The following SAMD12 variants were observed in gnomAD, a reference collection of about 807,000 sequenced individuals.
The protein encoded by SAMD12 is sterile alpha motif domain-containing protein 12.
A neutral mutation model predicts 15.0 loss-of-function variants in SAMD12; 9 were observed. The observed-to-expected ratio is 0.60, with a 90% CI of 0.36 to 1.05. SAMD12 has a LOEUF of 1.05. SAMD12 is among the 50% of genes least tolerant of loss of function. The pLI is 0.01. For missense variants in SAMD12, 230 were observed against 234.2 expected, an observed-to-expected ratio of 0.98 and a Z score of 0.12; for synonymous variants, 86 against 90.1, an observed-to-expected ratio of 0.96 and a Z score of 0.25.
intron 2 of SAMD12, among the ~76,000 whole-genome samples, chr8:118,495,487 A>T (rs1173727019): frequency 6.6e-6 from 1 of 152,188 alleles, no homozygotes; most frequent in East Asian, 1.9e-4. Flanking sequence ...TGACTAGTTG[A>T]AAACTGGCTA....
chr8:118,147,788 G>C, the SAMD12 span, among the ~76,000 whole-genome samples: 1 of 152,156 alleles, frequency 6.6e-6, no homozygotes, highest in African/African-American at 2.4e-5. Context: ...GTCTTGCTCT[G>C]TTGCCCAGGC....
At chr8:118,240,160 G>A (rs757656570) in intron 4 of SAMD12, among the ~76,000 whole-genome samples, 4 of 152,138 alleles carry the variant, frequency 2.6e-5, no homozygotes, top group African/African-American at 2.4e-5. Context: ...AGGAGCTAAC[G>A]CTTCTTGCCA....
chr8:118,383,728 A>T (rs1014647936), intron 3 of SAMD12, among the ~76,000 whole-genome samples: 1 of 152,174 alleles, frequency 6.6e-6, no homozygotes, highest in African/African-American at 2.4e-5. Flanking sequence ...TCACCAACTC[A>T]CAGACTCTTG....
chr8:118,277,861 T>C (rs1326520261), intron 4 of SAMD12, among the ~76,000 whole-genome samples: 2 of 152,096 alleles, frequency 1.3e-5, no homozygotes, highest in African/African-American at 2.4e-5. Flanking sequence ...TTTCACCAGA[T>C]AGAGAGCTCT....
At chr8:118,560,098 C>T (rs748831553) in intron 2 of SAMD12, among the ~76,000 whole-genome samples, 7 of 152,132 alleles carry the variant, frequency 4.6e-5, no homozygotes, top group African/African-American at 9.7e-5. Context: ...GGGCTGAGAA[C>T]GGGCCTTGCC....
At chr8:118,450,817 A>T (rs910342571) in intron 2 of SAMD12, among the ~76,000 whole-genome samples, 1 of 152,102 alleles carries the variant, frequency 6.6e-6, no homozygotes, top group Non-Finnish European at 1.5e-5. Flanking sequence ...GTGATGGGCC[A>T]GGTTTCTGAG....
intron 4 of SAMD12, among the ~76,000 whole-genome samples, chr8:118,320,656 G>A (rs71530900): frequency 0.13 from 17,446 of 134,808 alleles, 1,334 homozygotes; most frequent in African/African-American, 0.19. Flanking sequence ...ATCACACACC[G>A]GGGCCTGTCG....
chr8:118,364,622 G>A (rs1225679308), intron 4 of SAMD12, among the ~76,000 whole-genome samples: 1 of 152,160 alleles, frequency 6.6e-6, no homozygotes, highest in African/African-American at 2.4e-5. Context: ...CAACTGCGGT[G>A]AAGCTGTGAA....
At chr8:118,324,593 C>G (rs1022670908) in intron 4 of SAMD12, among the ~76,000 whole-genome samples, 2 of 152,066 alleles carry the variant, frequency 1.3e-5, no homozygotes, top group African/African-American at 4.8e-5. Flanking sequence ...GGATGAAAAA[C>G]AAGAAGATAT....
the SAMD12 span, among the ~76,000 whole-genome samples, chr8:118,169,444 CT>C: frequency 6.6e-6 from 1 of 152,166 alleles, no homozygotes; most frequent in Admixed American, 6.5e-5. Flanking sequence ...AAAGCTTTCC[CT>C]ACAGATGCAA....
At chr8:118,184,428 A>C in the SAMD12 span, among the ~76,000 whole-genome samples, 5 of 151,800 alleles carry the variant, frequency 3.3e-5, no homozygotes, top group Non-Finnish European at 7.4e-5. Flanking sequence ...AAACACAAAA[A>C]CACACTCCCA....
intron 2 of SAMD12, among the ~76,000 whole-genome samples, chr8:118,490,229 A>C (rs1824404653): frequency 6.6e-6 from 1 of 152,162 alleles, no homozygotes; most frequent in Admixed American, 6.5e-5. Flanking sequence ...TCTCAATACA[A>C]GATAAAAGGG....
intron 3 of SAMD12, among the ~76,000 whole-genome samples, chr8:118,402,824 T>C (rs578054701): frequency 1.3e-5 from 2 of 152,334 alleles, no homozygotes; most frequent in South Asian, 4.1e-4. Flanking sequence ...GATTCTACTA[T>C]ATGACCTCTG....
chr8:118,414,872 T>C (rs927296748), intron 3 of SAMD12, among the ~76,000 whole-genome samples: 1 of 150,228 alleles, frequency 6.7e-6, no homozygotes, highest in African/African-American at 2.4e-5. Context: ...CACTTAATAC[T>C]GAAGCTGATT....
At chr8:118,203,436 T>C (rs1819769596) in intron 4 of SAMD12, among the ~76,000 whole-genome samples, 1 of 152,042 alleles carries the variant, frequency 6.6e-6, no homozygotes, top group South Asian at 2.1e-4. Context: ...TACTGGCATC[T>C]AATGGGTAGA....
chr8:118,574,921 C>T (rs1034500950), intron 2 of SAMD12, among the ~76,000 whole-genome samples: 1 of 152,192 alleles, frequency 6.6e-6, no homozygotes, highest in Non-Finnish European at 1.5e-5. Context: ...CATTCTATCC[C>T]TAAATTGCAA....
chr8:118,290,787 G>T (rs1238645897), intron 4 of SAMD12, among the ~76,000 whole-genome samples: 1 of 152,054 alleles, frequency 6.6e-6, no homozygotes, highest in Non-Finnish European at 1.5e-5. Flanking sequence ...GTTAGGAAAG[G>T]GTTTTACTAA....
intron 4 of SAMD12, among the ~76,000 whole-genome samples, chr8:118,235,028 C>T (rs962779206): frequency 2.0e-5 from 3 of 151,868 alleles, no homozygotes; most frequent in African/African-American, 4.8e-5. Context: ...AATTTTTATC[C>T]ACTTCTTGGT....
At chr8:118,462,229 T>C (rs1823443306) in intron 2 of SAMD12, among the ~76,000 whole-genome samples, 1 of 152,250 alleles carries the variant, frequency 6.6e-6, no homozygotes, top group Admixed American at 6.5e-5. Context: ...ATGTTACTTA[T>C]TTCCAGAGAT....
Sources: gnomAD v4.1 joint callset for allele counts (sites outside exome capture counted in the v4.1 genomes callset) on GRCh38, gnomAD v4.1.1 for gene constraint, MANE v1.5 for transcripts, NCBI Gene and HGNC (gene_info 2026-07-23, HGNC 2026-07-21) for gene names.